SH2D6: variants seen among roughly 807,000 people sequenced by gnomAD.
SH2D6 encodes SH2 domain containing 6.
In SH2D6, 31 loss-of-function variants were observed where a neutral mutation model predicts 30.2. The ratio of observed to expected loss-of-function variants is 1.03; its 90% CI spans 0.77 to 1.38. The LOEUF is 1.38. Among genes scored for constraint, SH2D6 ranks in the 40% most tolerant of loss-of-function variants. The probability of loss-of-function intolerance (pLI) is 0.00; values close to 1 mark genes in which losing one functional copy is unlikely to be tolerated. For synonymous variants in SH2D6, 93 were observed against 104.6 expected (o/e 0.89, Z 0.68); for missense variants, 240 against 266.8 (o/e 0.90, Z 0.70).
Position 85,419,171 on chromosome 2 carries a change from G to C in SH2D6, c.-650G>C, listed in dbSNP as rs567381753. 1 of 152,506 alleles carries C rather than the reference G, an allele frequency of 6.6e-6. No individual in the cohort carries two copies. The highest frequency in any genetic ancestry group is 6.5e-5 in the Admixed American group (1 of 15,310). 9.4% of individuals were successfully genotyped at this position (152,506 alleles called of 1,614,324 possible). On this transcript the variant is annotated 5_prime_UTR_variant, in exon 2 of 24. Transcript: ENST00000469800. ...TCCAGGTCAGGGATGTAGGTCCCAG[G>C]GTGTGCAGGCCGCGGTATCTGACCA...
intron 13 of SH2D6, 72 bp from the exon 14 acceptor site, chr2:85,431,827 C>T (rs1558759555): frequency 1.3e-5 from 2 of 152,640 alleles, no homozygotes; most frequent in Non-Finnish European, 2.9e-5. Context: ...GTGGTCCCAT[C>T]CCATCCTATC....
At chr2:85,420,914 T>C (rs1687726999) in intron 2 of SH2D6, 1 of 152,410 alleles carries the variant, frequency 6.6e-6, no homozygotes, top group Non-Finnish European at 1.5e-5. Context: ...TTTGGCTCTG[T>C]GTACATCATA....
chr2:85,426,084 C>T (rs1408508294), intron 6 of SH2D6, among the ~76,000 whole-genome samples: 7 of 152,178 alleles, frequency 4.6e-5, no homozygotes, highest in East Asian at 1.9e-4. Flanking sequence ...CCCACATCTC[C>T]GCGGCTCTTC....
chr2:85,433,864 C>T (rs1558763311), intron 16 of SH2D6, among the ~76,000 whole-genome samples, 169 bp from the exon 17 acceptor site: 1 of 152,238 alleles, frequency 6.6e-6, no homozygotes, highest in African/African-American at 2.4e-5. Flanking sequence ...GGGTGGGGCT[C>T]CCCAGCTGCT....
chr2:85,423,368 A>G (rs1687820361), intron 5 of SH2D6, among the ~76,000 whole-genome samples: 2 of 151,760 alleles, frequency 1.3e-5, no homozygotes, highest in Non-Finnish European at 1.5e-5. Flanking sequence ...TGTAAGTGGG[A>G]TTATAGGCGT....
At chr2:85,434,438 C>T (rs1415883470) in intron 18 of SH2D6, 35 bp from the exon 19 acceptor site, 1 of 1,550,416 alleles carries the variant, frequency 6.4e-7, no homozygotes, top group South Asian at 1.2e-5. Flanking sequence ...GGACCTGGGG[C>T]CCGGCCTCTT....
intron 20 of SH2D6, 67 bp from the exon 21 acceptor site, chr2:85,435,337 TGCACCCTGG>T (rs1689310559): frequency 6.7e-7 from 1 of 1,500,282 alleles, no homozygotes; most frequent in Non-Finnish European, 9.2e-7. Flanking sequence ...CATAAATAAC[TGCACCCTGG>T]GTCCTCGGCT....
At position 85,435,474 on chromosome 2, in the gene SH2D6, G is replaced by A; in HGVS notation, c.710G>A (p.Ser237Asn). Residue 237 changes from serine to asparagine, a missense_variant, in exon 21 of 24, where the codon AGT becomes AAT. Ser to Asn is a conservative substitution (Grantham distance 46). Transcript: ENST00000469800. ...AACTGTGACCGCTATGCTGTTGAGA[G>A]TGCCCTGCTCCACTTACAAAAGGTG... is the stretch of plus-strand genomic sequence containing the variant. ...SGNCDRYAVE[S>N]ALLHLQKDGA... 1 of 1,613,830 alleles carries A rather than the reference G, an allele frequency of 6.2e-7. No individual in the cohort carries two copies. The highest frequency in any genetic ancestry group is 8.5e-7 in the Non-Finnish European group (1 of 1,179,992).
chr2:85,435,108 T>A lies in SH2D6; in HGVS notation c.633T>A (p.Ser211Arg). The A allele has an allele frequency of 6.5e-7, 1 of 1,530,300 alleles. No homozygotes were observed. The highest frequency in any genetic ancestry group is 8.8e-7 in the Non-Finnish European group (1 of 1,131,686). The allele number at this position is 1,530,300 out of a possible 1,614,324, so 94.8% of individuals were successfully genotyped here. Reference sequence around the variant, plus strand: ...TTCCCTCTGTAGCCCCCACTGGGAGTGCCTCAGCTGCTGAGGTGAGGAGGG... The same window carrying A: ...TTCCCTCTGTAGCCCCCACTGGGAGAGCCTCAGCTGCTGAGGTGAGGAGGG... Reference protein sequence around the residue: ...SSLPSVAPTGSASAAEDSDLL... With the variant: ...SSLPSVAPTGRASAAEDSDLL... Residue 211 changes from serine (S) to arginine (R), a missense_variant, in exon 20 of 24, where the codon AGT becomes AGA. Transcript: ENST00000469800.
intron 2 of SH2D6, chr2:85,421,521 A>G (rs1455166197): frequency 1.3e-5 from 2 of 152,192 alleles, no homozygotes; most frequent in Non-Finnish European, 1.5e-5. Context: ...TAGCAGCTAC[A>G]ACAAATATTG....
chr2:85,433,746 C>A, intron 16 of SH2D6, 115 bp downstream of exon 16: 2 of 817,040 alleles, frequency 2.4e-6, no homozygotes, highest in Non-Finnish European at 3.4e-6. Context: ...CACCCCCCAC[C>A]AACACGCATT....
intron 14 of SH2D6, among the ~76,000 whole-genome samples, chr2:85,432,525 C>T (rs368542086): frequency 6.6e-6 from 1 of 151,624 alleles, no homozygotes; most frequent in South Asian, 2.1e-4. Context: ...CTCAGCCTCC[C>T]GAGTAGCTGG....
At chr2:85,431,023 C>CG (rs1281017886) in intron 12 of SH2D6, among the ~76,000 whole-genome samples, 187 bp from the exon 13 acceptor site, 1 of 152,130 alleles carries the variant, frequency 6.6e-6, no homozygotes, top group African/African-American at 2.4e-5. Context: ...CTCAGCTCCT[C>CG]GGCCAGGTTG....
At chr2:85,433,804 C>G (rs1423144835) in intron 16 of SH2D6, among the ~76,000 whole-genome samples, 173 bp downstream of exon 16, 1 of 152,258 alleles carries the variant, frequency 6.6e-6, no homozygotes, top group Non-Finnish European at 1.5e-5. Flanking sequence ...GTGGTCCAGG[C>G]TGACCCACAC....
At chr2:85,427,112 G>A in intron 6 of SH2D6, among the ~76,000 whole-genome samples, 1 of 152,212 alleles carries the variant, frequency 6.6e-6, no homozygotes, top group East Asian at 1.9e-4. Context: ...ACCACTGTGT[G>A]TTTTCTGAGG....
At chr2:85,433,751 C>T (rs986850821) in intron 16 of SH2D6, 120 bp downstream of exon 16, 4 of 778,336 alleles carry the variant, frequency 5.1e-6, no homozygotes, top group Middle Eastern at 4.4e-4. Context: ...CCCACCAACA[C>T]GCATTTGCCT....
In SH2D6 at chr2:85,419,435, C is replaced by G. The variant is rs143736307; in HGVS notation, c.-577+191C>G. ...GACCCTTCAGTGCAAGCCAGGAACTCAGGGTCCGGCCTGCTCGGTAGGATG... is the reference window on the plus strand; with the variant it reads ...GACCCTTCAGTGCAAGCCAGGAACTGAGGGTCCGGCCTGCTCGGTAGGATG... On this transcript the variant is annotated intron_variant, in intron 2 of 23. Coordinates refer to ENST00000469800, the MANE Select transcript of SH2D6 (RefSeq NM_001394463.1). Among the ~76,000 whole-genome samples the G allele has an allele frequency of 6.3e-3, 957 of 152,362 alleles. 9 individuals are homozygous for G. Among genetic ancestry groups the G allele is most frequent in the African/African-American group, 0.022 (923 of 41,580 alleles).
At chr2:85,436,652 T>C in intron 23 of SH2D6, 58 bp downstream of exon 23, 1 of 1,252,610 alleles carries the variant, frequency 8.0e-7, no homozygotes, top group Non-Finnish European at 1.2e-6. Flanking sequence ...TGGGCTGTCT[T>C]CCTCTCTCCT....
intron 5 of SH2D6, among the ~76,000 whole-genome samples, chr2:85,423,402 T>C (rs1687823463): frequency 6.6e-6 from 1 of 151,734 alleles, no homozygotes; most frequent in Non-Finnish European, 1.5e-5. Flanking sequence ...CGGTTAATTT[T>C]TTGTATTTTT....
Sources: allele counts gnomAD v4.1 joint callset (sites outside exome capture counted in the v4.1 genomes callset), GRCh38; gene constraint gnomAD v4.1.1; transcripts MANE v1.5; gene names NCBI Gene and HGNC (gene_info 2026-07-23, HGNC 2026-07-21).